CISTR: variants seen among roughly 807,000 people sequenced by gnomAD.
CISTR encodes chondrogenesis-associated transcript, also known as chondrogenic regulator lncRNA.
exon 3 of CISTR, among the ~76,000 whole-genome samples, chr12:53,746,735 A>G (rs1937785890): frequency 6.6e-6 from 1 of 152,160 alleles, no homozygotes; most frequent in Non-Finnish European, 1.5e-5. Flanking sequence ...TCCAGGGCCG[A>G]CGTCTGGATC....
intron 2 of CISTR, among the ~76,000 whole-genome samples, chr12:53,747,196 CT>C (rs1302665246): frequency 1.5e-4 from 23 of 152,292 alleles, no homozygotes; most frequent in Non-Finnish European, 1.3e-4. Flanking sequence ...TGCTTCTGGG[CT>C]TCTTGGAAGT....
At chr12:53,748,372 G>A (rs1937806374) in intron 2 of CISTR, among the ~76,000 whole-genome samples, 1 of 152,138 alleles carries the variant, frequency 6.6e-6, no homozygotes, top group African/African-American at 2.4e-5. Context: ...CGGACACACA[G>A]ACAGGGACAG....
chr12:53,749,731 G>A (rs543418686), intron 2 of CISTR, among the ~76,000 whole-genome samples: 1 of 152,168 alleles, frequency 6.6e-6, no homozygotes, highest in South Asian at 2.1e-4. Context: ...TGCACCAGAG[G>A]CAAATTTGTA....
intron 1 of CISTR, among the ~76,000 whole-genome samples, chr12:53,753,083 CACACACAG>C (rs979146344): frequency 3.9e-4 from 49 of 124,944 alleles, no homozygotes; most frequent in East Asian, 8.0e-4. Flanking sequence ...CACACACACA[CACACACAG>C]AGAGAGACAC....
chr12:53,746,541 C>T (rs1937782854), exon 3 of CISTR, among the ~76,000 whole-genome samples: 1 of 152,094 alleles, frequency 6.6e-6, no homozygotes, highest in East Asian at 1.9e-4. Flanking sequence ...TGCCAGCAGC[C>T]CCAGTGCTAG....
chr12:53,756,371 T>C lies in CISTR; in HGVS notation n.414+443A>G, dbSNP rs1937914632. Among the ~76,000 whole-genome samples, 1 of 152,220 alleles carries C rather than the reference T, an allele frequency of 6.6e-6. No individual in the cohort carries two copies. Among genetic ancestry groups the C allele is most frequent in the African/African-American group, 2.4e-5 (1 of 41,458 alleles). ...GGAAAAGATCTGATTATTGTAATAA[T>C]AGATGATACCACAGGAAGGAACCTT... On this transcript the variant is annotated intron_variant and non_coding_transcript_variant, in intron 1 of 2. Transcript: ENST00000669269. The surrounding 1 kb of genome is among the most constrained non-coding windows in gnomAD (Gnocchi z 4.0).
rs1401303921 is a variant in CISTR, at chr12:53,751,930, C to T, written n.415-965G>A. The stretch of plus-strand genomic sequence containing the variant: ...CAGCTCCCCCTCGGTGCCCGTAACC[C>T]TCCTTTCCTCTTTTTGCCGCAGTCT... On this transcript the variant is annotated intron_variant and non_coding_transcript_variant, in intron 1 of 2. Coordinates refer to ENST00000669269, the Ensembl canonical transcript of CISTR. The surrounding 1 kb of genome is among the most constrained non-coding windows in gnomAD (Gnocchi z 4.6). 6.5e-6 allele frequency: 1 copy of T among 153,212 alleles called. No individual in the cohort carries two copies. The highest frequency in any genetic ancestry group is 2.4e-5 in the African/African-American group (1 of 41,416). The allele number at this position is 153,212 out of a possible 1,614,324, so 9.5% of individuals were successfully genotyped here.
chr12:53,751,986 C>T lies in CISTR; in HGVS notation n.415-1021G>A, dbSNP rs1413389819. Among the ~76,000 whole-genome samples the T allele has an allele frequency of 1.3e-5, 2 of 152,038 alleles. No individual in the cohort carries two copies. The highest frequency in any genetic ancestry group is 4.8e-5 in the African/African-American group (2 of 41,398). The stretch of plus-strand genomic sequence containing the variant: ...TCTCTTCCACAGGGTCTCTCCCTCC[C>T]CCTCTCCCCGTGGTTGTCAGACTTT... On this transcript the variant is annotated intron_variant and non_coding_transcript_variant, in intron 1 of 2. Transcript: ENST00000669269. The surrounding 1 kb of genome is among the most constrained non-coding windows in gnomAD (Gnocchi z 4.6).
intron 1 of CISTR, among the ~76,000 whole-genome samples, chr12:53,752,341 C>CT (rs1411575540): frequency 6.6e-6 from 1 of 152,182 alleles, no homozygotes; most frequent in Admixed American, 6.5e-5. Flanking sequence ...CCTTCTCTCC[C>CT]TTTTTTGCGA....
In CISTR at chr12:53,756,856, GGTAGGTCCT is replaced by G. The variant is rs1937920452; in HGVS notation, n.363_371del. 6.6e-6 allele frequency: 1 copy of G among 152,470 alleles called. No individual in the cohort carries two copies. Among genetic ancestry groups the G allele is most frequent in the African/African-American group, 2.4e-5 (1 of 41,366 alleles). The allele number at this position is 152,470 out of a possible 1,614,324, so 9.4% of individuals were successfully genotyped here. A position where few individuals can be genotyped will look rare whatever the true frequency, so the allele number is the denominator to read the frequency against. On this transcript the variant is annotated non_coding_transcript_exon_variant, in exon 1 of 3. Coordinates refer to ENST00000669269, the Ensembl canonical transcript of CISTR. The surrounding 1 kb of genome is among the most constrained non-coding windows in gnomAD (Gnocchi z 4.0). The stretch of plus-strand genomic sequence containing the variant: ...CCGGGTCCTGAAATGTTCACTCTTT[GGTAGGTCCT>G]GTGGAAGAGCGCAGGCAAGTCCTGA...
intron 1 of CISTR, among the ~76,000 whole-genome samples, chr12:53,753,210 C>T (rs1044567877): frequency 2.6e-5 from 4 of 152,196 alleles, no homozygotes; most frequent in African/African-American, 9.7e-5. Context: ...GAAGCAGAAT[C>T]AGCGAGTCGC....
chr12:53,748,583 G>A (rs536623366), intron 2 of CISTR, among the ~76,000 whole-genome samples: 5 of 152,200 alleles, frequency 3.3e-5, no homozygotes, highest in South Asian at 2.1e-4. Flanking sequence ...CAGAAAGATC[G>A]AAGACTCACA....
intron 1 of CISTR, among the ~76,000 whole-genome samples, chr12:53,752,216 G>C (rs1937861464): frequency 2.0e-5 from 3 of 152,118 alleles, no homozygotes; most frequent in African/African-American, 7.2e-5. Context: ...TTTCTGCCTG[G>C]GTTCTTCCTT....
At chr12:53,755,230 T>G (rs893219414) in intron 1 of CISTR, among the ~76,000 whole-genome samples, 1 of 152,084 alleles carries the variant, frequency 6.6e-6, no homozygotes, top group Non-Finnish European at 1.5e-5. Context: ...TGTCCCACGA[T>G]GTGAGACACA....
chr12:53,747,123 G>A (rs1937791925), intron 2 of CISTR, among the ~76,000 whole-genome samples: 1 of 152,198 alleles, frequency 6.6e-6, no homozygotes, highest in South Asian at 2.1e-4. Flanking sequence ...GTCACTCAGA[G>A]TTTTAAAATC....
At chr12:53,748,119 G>A (rs1407235421) in intron 2 of CISTR, among the ~76,000 whole-genome samples, 1 of 152,194 alleles carries the variant, frequency 6.6e-6, no homozygotes, top group East Asian at 1.9e-4. Flanking sequence ...AGAGGCCAGG[G>A]GAGCAGGCAG....
rs1347342752 is a variant in CISTR at position 53,756,277 on chromosome 12, G to T, written n.414+537C>A. On this transcript the variant is annotated intron_variant and non_coding_transcript_variant, in intron 1 of 2. Transcript: ENST00000669269. The surrounding 1 kb of genome is among the most constrained non-coding windows in gnomAD (Gnocchi z 4.0). ...TTTGGGGATGAAGCACCTGATAAAT[G>T]AGGACCTGGAACTCCTTACAATCTC... Among the ~76,000 whole-genome samples the T allele has an allele frequency of 6.6e-6, 1 of 152,150 alleles. No homozygotes were observed. The highest frequency in any genetic ancestry group is 2.4e-5 in the African/African-American group (1 of 41,434).
chr12:53,748,283 A>G (rs1313451743), intron 2 of CISTR, among the ~76,000 whole-genome samples: 1 of 152,198 alleles, frequency 6.6e-6, no homozygotes, highest in Admixed American at 6.5e-5. Context: ...TCCCTCTCCA[A>G]GCCCTCCGCG....
At chr12:53,753,574 A>G (rs1484511763) in intron 1 of CISTR, among the ~76,000 whole-genome samples, 2 of 152,136 alleles carry the variant, frequency 1.3e-5, no homozygotes, top group African/African-American at 4.8e-5. Context: ...GAAGAGAACT[A>G]GCAAGTTAGA....
Sources: allele counts gnomAD v4.1 joint callset (sites outside exome capture counted in the v4.1 genomes callset), GRCh38; gene constraint gnomAD v4.1.1; non-coding constraint Gnocchi (gnomAD v3.1); transcripts MANE v1.5; gene names NCBI Gene and HGNC (gene_info 2026-07-23, HGNC 2026-07-21).